The following PSG3 variants were observed in gnomAD, a reference collection of about 807,000 sequenced individuals.
The protein encoded by PSG3 is pregnancy specific beta-1-glycoprotein 3.
In PSG3, 61 loss-of-function variants were observed where a neutral mutation model predicts 47.5. That is an observed-to-expected ratio of 1.28 (90% confidence interval 1.05 to 1.59). The LOEUF is 1.59. Among genes scored for constraint, PSG3 ranks in the 40% most tolerant of loss-of-function variants. The probability of loss-of-function intolerance (pLI) is 0.00; values close to 1 mark genes in which losing one functional copy is unlikely to be tolerated. For missense variants in PSG3, 756 were observed against 524.0 expected, an observed-to-expected ratio of 1.44 and a Z score of -4.32; for synonymous variants, 263 against 198.4, an observed-to-expected ratio of 1.33 and a Z score of -2.74.
At chr19:42,723,407 A>T (rs1051865507) in intron 6 of PSG3, among the ~76,000 whole-genome samples, 1 of 152,212 alleles carries the variant, frequency 6.6e-6, no homozygotes, top group African/African-American at 2.4e-5. Flanking sequence ...GGATGGAGGA[A>T]TTATACTAGG....
chr19:42,739,523 A>T (rs144614237), intron 1 of PSG3: 63 of 175,208 alleles, frequency 3.6e-4, no homozygotes, highest in African/African-American at 8.9e-4. Context: ...ACATTCTAGA[A>T]CTCTTTGCAT....
chr19:42,735,039 A>G (rs1969539956), intron 2 of PSG3, among the ~76,000 whole-genome samples: 1 of 152,178 alleles, frequency 6.6e-6, no homozygotes, highest in Non-Finnish European at 1.5e-5. Flanking sequence ...TCATGAGGAA[A>G]CAGTTGTATG....
intron 6 of PSG3, among the ~76,000 whole-genome samples, chr19:42,723,179 A>T (rs1332886732): frequency 6.6e-6 from 1 of 152,188 alleles, no homozygotes; most frequent in Non-Finnish European, 1.5e-5. Context: ...GATCTCAACC[A>T]CACATAGGTT....
At chr19:42,732,693 A>ACTTGGAC (rs1969492087) in intron 3 of PSG3, 91 bp downstream of exon 3, 1 of 1,613,696 alleles carries the variant, frequency 6.2e-7, no homozygotes. Flanking sequence ...AGGTCTCTGT[A>ACTTGGAC]CTTGGACCTG....
At chr19:42,723,268 G>C (rs1032293059) in intron 6 of PSG3, among the ~76,000 whole-genome samples, 9 of 152,200 alleles carry the variant, frequency 5.9e-5, no homozygotes, top group African/African-American at 1.9e-4. Context: ...GTGATGAAGG[G>C]TGTGGTTAAG....
intron 5 of PSG3, 155 bp downstream of exon 5, chr19:42,728,968 T>C (rs1969418969): frequency 1.3e-6 from 2 of 1,551,210 alleles, no homozygotes; most frequent in Admixed American, 3.9e-5. Context: ...AGAGAGTCTG[T>C]AGAGACAAAT....
chr19:42,738,270 C>A (rs369429851), intron 2 of PSG3, among the ~76,000 whole-genome samples: 6 of 152,290 alleles, frequency 3.9e-5, no homozygotes, highest in Admixed American at 2.0e-4. Context: ...GCCCAAGAAG[C>A]GACAACCCAG....
In PSG3 at chr19:42,721,725, A is replaced by G. The variant is rs1255449646; in HGVS notation, c.*406T>C. The G allele has an allele frequency of 2.6e-6, 1 of 378,894 alleles. No individual in the cohort carries two copies. Among genetic ancestry groups the G allele is most frequent in the Non-Finnish European group, 4.7e-6 (1 of 212,208 alleles). 23.5% of individuals were successfully genotyped at this position (378,894 alleles called of 1,614,324 possible). ...CAATTCTGGGGCACTTAGGGAGCAA[A>G]AGCAAATGTTTCAATTTTTGTTTAC... On this transcript the variant is annotated 3_prime_UTR_variant, in exon 7 of 7. Coordinates refer to ENST00000327495, the MANE Select transcript of PSG3 (RefSeq NM_021016.4).
intron 1 of PSG3, 118 bp from the exon 2 acceptor site, chr19:42,739,207 C>A: frequency 7.3e-7 from 1 of 1,365,184 alleles, no homozygotes; most frequent in Admixed American, 2.2e-5. Flanking sequence ...CACACACACA[C>A]ACATACAAAC....
At chr19:42,722,755 T>C (rs962365173) in intron 6 of PSG3, among the ~76,000 whole-genome samples, 10 of 152,220 alleles carry the variant, frequency 6.6e-5, no homozygotes, top group African/African-American at 2.4e-4. Flanking sequence ...TATAGTCTTA[T>C]GTATGTTGAA....
intron 2 of PSG3, among the ~76,000 whole-genome samples, chr19:42,735,224 G>T (rs1434821525): frequency 6.6e-6 from 1 of 152,080 alleles, no homozygotes; most frequent in Non-Finnish European, 1.5e-5. Flanking sequence ...TTGAAATGTT[G>T]TTCCACTTTT....
At chr19:42,731,494 A>G (rs1771075775) in intron 3 of PSG3, among the ~76,000 whole-genome samples, 1 of 151,974 alleles carries the variant, frequency 6.6e-6, no homozygotes, top group African/African-American at 2.4e-5. Flanking sequence ...GCACTTGTAT[A>G]TTTTTGAAGG....
At position 42,737,401 on chromosome 19, in the gene PSG3, G is replaced by T. The variant is rs186875548; in HGVS notation, c.430+1323C>A. On this transcript the variant is annotated intron_variant, in intron 2 of 6. Transcript: ENST00000327495. ...GTGTCTGTCTCGCTGGGCCTATGGT[G>T]GTGTAGGGTGTGAGTGGGGAAAGAA... is the stretch of plus-strand genomic sequence containing the variant. Among the ~76,000 whole-genome samples, 493 of 152,226 alleles carry T rather than the reference G, an allele frequency of 3.2e-3. 9 individuals carry two copies. In the South Asian group the frequency reaches 0.051, roughly 16 times the overall value.
intron 2 of PSG3, among the ~76,000 whole-genome samples, chr19:42,737,097 A>T: frequency 6.6e-6 from 1 of 152,060 alleles, no homozygotes; most frequent in Non-Finnish European, 1.5e-5. Flanking sequence ...CTGACTTCAG[A>T]GACCCCAGGG....
At chr19:42,733,329 G>A (rs1262323431) in intron 2 of PSG3, 3 of 640,084 alleles carry the variant, frequency 4.7e-6, no homozygotes, top group Admixed American at 6.6e-5. Context: ...AGGACCAGCA[G>A]TCACAGCCCC....
chr19:42,732,461 G>A, intron 3 of PSG3: 2 of 527,230 alleles, frequency 3.8e-6, no homozygotes, highest in Non-Finnish European at 3.4e-6. Flanking sequence ...GGGCCACAGT[G>A]ACCCTGTGAG....
intron 3 of PSG3, among the ~76,000 whole-genome samples, chr19:42,730,799 T>C (rs1969460927): frequency 6.6e-6 from 1 of 152,210 alleles, no homozygotes; most frequent in Non-Finnish European, 1.5e-5. Flanking sequence ...TTGGGTTCTT[T>C]AAGTTTCCTC....
rs185905034 is a variant in PSG3 at position 42,730,011 on chromosome 19, C to G, written c.755G>C (p.Arg252Thr). 1.2e-5 allele frequency: 20 copies of G among 1,612,522 alleles called. No homozygotes were observed. In the East Asian group the frequency reaches 4.2e-4, roughly 34 times the overall value. ...PYITINNLNP[R>T]ENKDVLAFTC... is the part of the protein sequence containing the mutation. ...GAAGGCTAAGACATCCTTATTCTCC[C>G]TGGGGTTTAAGTTGTTGATGGTGAT... The change falls in exon 4 of 7, where the codon AGG (arginine) becomes ACG (threonine). Residue 252 changes from arginine (R) to threonine (T), a missense_variant. Physicochemically the swap from Arg to Thr is moderately conservative, Grantham distance 71. Transcript: ENST00000327495.
chr19:42,736,632 G>A (rs1453277953), intron 2 of PSG3, among the ~76,000 whole-genome samples: 1 of 151,322 alleles, frequency 6.6e-6, no homozygotes, highest in African/African-American at 2.4e-5. Flanking sequence ...GTGTGTGTGT[G>A]TGTGTGTGTG....
Sources: allele counts gnomAD v4.1 joint callset (sites outside exome capture counted in the v4.1 genomes callset), GRCh38; gene constraint gnomAD v4.1.1; transcripts MANE v1.5; gene names NCBI Gene and HGNC (gene_info 2026-07-23, HGNC 2026-07-21).